RGS6: variants seen among roughly 807,000 people sequenced by gnomAD.
RGS6 encodes regulator of G-protein signaling 6.
RGS6 carries 30 observed loss-of-function variants against 78.5 expected under a neutral mutation model. That is an observed-to-expected ratio of 0.38 (90% CI 0.29 to 0.52). The LOEUF is 0.52. Among genes scored for constraint, RGS6 ranks in the 20% least tolerant of loss-of-function variants. RGS6 has a pLI of 0.85. For synonymous variants in RGS6, 206 were observed against 206.0 expected (o/e 1.00, Z 0.00); for missense variants, 495 against 609.7 (o/e 0.81, Z 1.98).
intron 2 of RGS6, among the ~76,000 whole-genome samples, chr14:72,066,274 G>T (rs543891924): frequency 6.6e-6 from 1 of 152,154 alleles, no homozygotes; most frequent in African/African-American, 2.4e-5. Flanking sequence ...CATGCTTTGG[G>T]AATCAAAGGT....
chr14:72,462,465 G>A (rs8020145), intron 6 of RGS6, among the ~76,000 whole-genome samples: 8 of 152,158 alleles, frequency 5.3e-5, no homozygotes, highest in Non-Finnish European at 2.9e-5. Flanking sequence ...TCTATAAGAT[G>A]GGGGTAATAA....
At chr14:72,319,338 C>T (rs374645797) in intron 2 of RGS6, among the ~76,000 whole-genome samples, 1 of 151,260 alleles carries the variant, frequency 6.6e-6, no homozygotes, top group East Asian at 1.9e-4. Flanking sequence ...CTCCAGAGAA[C>T]TGAAGGGGGA....
the RGS6 span, among the ~76,000 whole-genome samples, chr14:72,610,812 A>G: frequency 6.6e-6 from 1 of 152,200 alleles, no homozygotes; most frequent in African/African-American, 2.4e-5. Flanking sequence ...AGGGCCCACC[A>G]CTGGCTGCCT....
At chr14:72,166,093 GACACACACACACACAC>G (rs3055029) in intron 2 of RGS6, among the ~76,000 whole-genome samples, 39 of 107,798 alleles carry the variant, frequency 3.6e-4, no homozygotes, top group East Asian at 2.8e-3. Context: ...CCATTTTTGA[GACACACACACACACAC>G]ACACACACAC....
At chr14:72,134,709 G>T (rs865968604) in intron 2 of RGS6, among the ~76,000 whole-genome samples, 9 of 152,280 alleles carry the variant, frequency 5.9e-5, no homozygotes, top group African/African-American at 2.2e-4. Context: ...CAGAAGAGCT[G>T]GTGGTTTAAC....
At chr14:72,244,730 G>A (rs978041805) in intron 2 of RGS6, among the ~76,000 whole-genome samples, 2 of 152,186 alleles carry the variant, frequency 1.3e-5, no homozygotes, top group Non-Finnish European at 2.9e-5. Flanking sequence ...CTTTGATGGG[G>A]ACGAAGCTAA....
At chr14:71,891,829 C>T in the RGS6 span, among the ~76,000 whole-genome samples, 1 of 152,078 alleles carries the variant, frequency 6.6e-6, no homozygotes, top group Non-Finnish European at 1.5e-5. Flanking sequence ...CTTCCCAGCA[C>T]CTCCTTGTAT....
intron 2 of RGS6, among the ~76,000 whole-genome samples, chr14:71,972,590 G>C (rs2093878082): frequency 6.6e-6 from 1 of 152,154 alleles, no homozygotes; most frequent in Admixed American, 6.5e-5. Context: ...ATCTGAAATG[G>C]GGAAGTCAAT....
the RGS6 span, among the ~76,000 whole-genome samples, chr14:71,881,793 A>G: frequency 6.6e-6 from 1 of 152,198 alleles, no homozygotes; most frequent in Non-Finnish European, 1.5e-5. Context: ...CAAAAATCAT[A>G]AATTCCCCAA....
At chr14:72,369,811 C>T (rs1186246472) in intron 3 of RGS6, among the ~76,000 whole-genome samples, 2 of 151,964 alleles carry the variant, frequency 1.3e-5, no homozygotes, top group African/African-American at 2.4e-5. Context: ...ATTATTTCCA[C>T]GTTCGTGATG....
chr14:72,006,877 T>C (rs1244553281), intron 2 of RGS6, among the ~76,000 whole-genome samples: 1 of 152,160 alleles, frequency 6.6e-6, no homozygotes, highest in African/African-American at 2.4e-5. Flanking sequence ...GCTGTAAGGA[T>C]TAAGGACCAT....
At position 72,390,996 on chromosome 14, in the gene RGS6, G is replaced by C. The variant is rs1056777951; in HGVS notation, c.184+38802G>C. ...ACTTCATGCTCCAGGGTTGTGACCA[G>C]AGCTTACAAGGGTGTTGTCCTGGGC... is the stretch of plus-strand genomic sequence containing the variant. On this transcript the variant is annotated intron_variant, in intron 3 of 17. Coordinates refer to ENST00000553525, the MANE Select transcript of RGS6 (RefSeq NM_001204424.2). 2.6e-5 allele frequency among the ~76,000 whole-genome samples: 4 copies of C among 152,174 alleles called. No individual in the cohort carries two copies. The South Asian group carries it at 8.3e-4, about 32-fold the overall frequency.
intron 2 of RGS6, among the ~76,000 whole-genome samples, chr14:72,180,307 A>G (rs1024631529): frequency 6.6e-6 from 1 of 152,244 alleles, no homozygotes; most frequent in Non-Finnish European, 1.5e-5. Context: ...GTTGGACTAG[A>G]CAAAGGCACC....
chr14:72,200,216 G>A (rs2041176523), intron 2 of RGS6, among the ~76,000 whole-genome samples: 1 of 152,176 alleles, frequency 6.6e-6, no homozygotes, highest in African/African-American at 2.4e-5. Flanking sequence ...AAAATAGGAT[G>A]CTAGAAGCTA....
At chr14:72,479,347 G>A (rs1342875350) in intron 12 of RGS6, among the ~76,000 whole-genome samples, 1 of 152,166 alleles carries the variant, frequency 6.6e-6, no homozygotes. Context: ...AGGGTTTCTC[G>A]ATTGTGGCAC....
At chr14:71,886,527 G>A in the RGS6 span, among the ~76,000 whole-genome samples, 1 of 152,170 alleles carries the variant, frequency 6.6e-6, no homozygotes, top group Admixed American at 6.5e-5. Context: ...GGTGTATTTG[G>A]ATACATACAC....
At chr14:71,984,429 G>T (rs1172199912) in intron 2 of RGS6, among the ~76,000 whole-genome samples, 3 of 144,736 alleles carry the variant, frequency 2.1e-5, no homozygotes, top group Non-Finnish European at 4.5e-5. Context: ...AGGATCCCTT[G>T]AGCCCAGGAG....
At chr14:72,457,993 C>T (rs1251861426) in intron 4 of RGS6, among the ~76,000 whole-genome samples, 1 of 152,180 alleles carries the variant, frequency 6.6e-6, no homozygotes, top group African/African-American at 2.4e-5. Flanking sequence ...AACTTATGCC[C>T]TTGACCCTGA....
chr14:72,490,777 T>G (rs542237202), intron 12 of RGS6, among the ~76,000 whole-genome samples: 1 of 152,362 alleles, frequency 6.6e-6, no homozygotes, highest in South Asian at 2.1e-4. Flanking sequence ...TTTACATCCA[T>G]CTTCAAAACC....
Sources: allele counts gnomAD v4.1 joint callset (sites outside exome capture counted in the v4.1 genomes callset), GRCh38; gene constraint gnomAD v4.1.1; transcripts MANE v1.5; gene names NCBI Gene and HGNC (gene_info 2026-07-23, HGNC 2026-07-21).